Variants in ZNF180 observed in about 807,000 individuals in gnomAD.
ZNF180 encodes zinc finger protein 180.
A neutral mutation model predicts 11.8 loss-of-function variants in ZNF180; 11 were observed. The observed-to-expected ratio is 0.93, with a 90% CI of 0.59 to 1.55. The LOEUF (loss-of-function observed/expected upper bound fraction) is 1.55. Among genes scored for constraint, ZNF180 ranks in the 40% most tolerant of loss-of-function variants. The probability of loss-of-function intolerance (pLI) is 0.00; values close to 1 mark genes in which losing one functional copy is unlikely to be tolerated. For synonymous variants in ZNF180, 287 were observed against 257.7 expected, an observed-to-expected ratio of 1.11 and a Z score of -1.09; for missense variants, 773 against 781.7, an observed-to-expected ratio of 0.99 and a Z score of 0.13.
chr19:44,477,326 T>C lies in ZNF180; in HGVS notation c.1074A>G (p.Glu358=), dbSNP rs1451146321. 1 of 1,611,944 alleles carries C rather than the reference T, an allele frequency of 6.2e-7. No homozygotes were observed. Among genetic ancestry groups the C allele is most frequent in the African/African-American group, 1.3e-5 (1 of 74,772 alleles). Residue 358 remains glutamate (E), a synonymous_variant, in exon 5 of 5, where the codon GAA becomes GAG. Coordinates refer to ENST00000592529, the MANE Select transcript of ZNF180 (RefSeq NM_001278509.3). ...HTGEKPYECS[E]CGKSFSRSSH... is the part of the protein sequence containing the mutation. ...AGCTCCGGCTGAAGGATTTTCCACA[T>C]TCACTACATTCATAAGGTTTCTCCC...
chr19:44,500,108 T>C (rs899188814), intron 1 of ZNF180, 167 bp downstream of exon 1: 10 of 1,583,112 alleles, frequency 6.3e-6, no homozygotes, highest in Non-Finnish European at 8.7e-6. Flanking sequence ...AGTCGCGGAA[T>C]ATACAGCTGT....
intron 2 of ZNF180, among the ~76,000 whole-genome samples, chr19:44,486,838 C>T (rs1314092202): frequency 2.0e-5 from 3 of 151,998 alleles, no homozygotes; most frequent in Admixed American, 6.6e-5. Flanking sequence ...CTCAGGAGTT[C>T]GAGACCAGCC....
intron 3 of ZNF180, among the ~76,000 whole-genome samples, chr19:44,479,635 G>A (rs1365550495): frequency 1.3e-5 from 2 of 152,198 alleles, no homozygotes; most frequent in Non-Finnish European, 2.9e-5. Flanking sequence ...AGGAATACCA[G>A]ATAAGAACTG....
chr19:44,497,234 G>A, intron 2 of ZNF180, 50 bp downstream of exon 2: 3 of 1,486,620 alleles, frequency 2.0e-6, no homozygotes, highest in Non-Finnish European at 1.8e-6. Context: ...AGCCTCCCAA[G>A]CTGAGAGGGT....
intron 2 of ZNF180, among the ~76,000 whole-genome samples, chr19:44,490,827 A>T (rs1482704017): frequency 1.3e-5 from 2 of 152,244 alleles, no homozygotes; most frequent in African/African-American, 4.8e-5. Flanking sequence ...AACTGTTTTT[A>T]GCACCTTTTT....
In ZNF180 at chr19:44,477,800, C is replaced by T; in HGVS notation, c.600G>A (p.Trp200Ter). The T allele has an allele frequency of 1.2e-6, 2 of 1,613,828 alleles. No homozygotes were observed. Among genetic ancestry groups the T allele is most frequent in the Non-Finnish European group, 1.7e-6 (2 of 1,179,954 alleles). The change falls in exon 5 of 5, where the codon TGG (tryptophan) becomes TGA (stop). Residue 200 changes from tryptophan to a stop codon, truncating the protein, a stop_gained. Coordinates refer to ENST00000592529, the MANE Select transcript of ZNF180 (RefSeq NM_001278509.3). LOFTEE classifies it low-confidence loss of function (END_TRUNC). ...GACTGTTTACAGCAGCATTAAGATGCCATTTTTTAGCATGTGATACATGTT... is the reference window on the plus strand; with the variant it reads ...GACTGTTTACAGCAGCATTAAGATGTCATTTTTTAGCATGTGATACATGTT... The part of the protein sequence containing the change: ...FHKHVSHAKK[W>*]HLNAAVNSHQ...
intron 2 of ZNF180, among the ~76,000 whole-genome samples, chr19:44,485,990 T>A (rs1970218799): frequency 6.6e-6 from 1 of 152,188 alleles, no homozygotes; most frequent in African/African-American, 2.4e-5. Context: ...AGGATGCATA[T>A]ACAAGAAACC....
In ZNF180 at chr19:44,475,136, A is replaced by T. The variant is rs1235653382; in HGVS notation, c.*1266T>A. ...GTCATCCACAGGATTCAAATTCATG[A>T]TTCAAGGGAAAGGTCAGAAAGACAT... On this transcript the variant is annotated 3_prime_UTR_variant, in exon 5 of 5. Transcript: ENST00000592529. 1 of 152,230 alleles carries T rather than the reference A, an allele frequency of 6.6e-6. No individual in the cohort carries two copies. Among genetic ancestry groups the T allele is most frequent in the Non-Finnish European group, 1.5e-5 (1 of 68,048 alleles). The allele number at this position is 152,230 out of a possible 1,614,324, so 9.4% of individuals were successfully genotyped here.
chr19:44,491,407 G>C (rs966227373), intron 2 of ZNF180, among the ~76,000 whole-genome samples: 1 of 152,176 alleles, frequency 6.6e-6, no homozygotes, highest in Admixed American at 6.5e-5. Flanking sequence ...TTTTCCCCAG[G>C]TTCTACTCAC....
At chr19:44,495,000 C>A (rs1970542264) in intron 2 of ZNF180, among the ~76,000 whole-genome samples, 1 of 152,168 alleles carries the variant, frequency 6.6e-6, no homozygotes, top group Non-Finnish European at 1.5e-5. Flanking sequence ...CACACCGATA[C>A]AAGCACACAT....
rs183095623 is a variant in ZNF180 at position 44,486,769 on chromosome 19, G to A, written c.52-2334C>T. Among the ~76,000 whole-genome samples, 11 of 152,134 alleles carry A rather than the reference G, an allele frequency of 7.2e-5. No homozygotes were observed. The East Asian group carries it at 1.5e-3, about 21-fold the overall frequency. On this transcript the variant is annotated intron_variant, in intron 2 of 4. Coordinates refer to ENST00000592529, the MANE Select transcript of ZNF180 (RefSeq NM_001278509.3). The stretch of plus-strand genomic sequence containing the variant: ...AAAATATATAAAATAGGCCGGGCAT[G>A]GTGGCTCACACCTGTAATTCTAGCA...
At chr19:44,493,625 A>G (rs543349185) in intron 2 of ZNF180, among the ~76,000 whole-genome samples, 4 of 152,280 alleles carry the variant, frequency 2.6e-5, no homozygotes, top group Admixed American at 6.5e-5. Flanking sequence ...TCCTTGACCA[A>G]TGGTACCAAG....
intron 3 of ZNF180, among the ~76,000 whole-genome samples, chr19:44,482,608 C>T (rs1204532659): frequency 6.6e-6 from 1 of 152,150 alleles, no homozygotes; most frequent in Non-Finnish European, 1.5e-5. Flanking sequence ...GGGATTTATC[C>T]TCTAATATAA....
rs1969950239 is a variant in ZNF180 at position 44,477,560 on chromosome 19, C to A, written c.840G>T (p.Gly280=). 1 of 1,614,052 alleles carries A rather than the reference C, an allele frequency of 6.2e-7. No individual in the cohort carries two copies. The highest frequency in any genetic ancestry group is 8.5e-7 in the Non-Finnish European group (1 of 1,180,024). Residue 280 remains glycine, a synonymous_variant, in exon 5 of 5, where the codon GGG becomes GGT. Coordinates refer to ENST00000592529, the MANE Select transcript of ZNF180 (RefSeq NM_001278509.3). The part of the protein sequence containing the change: ...GGKTFDFKEC[G]QVLNPKISHN... ...GGGATATTTTGGGGTTCAAAACCTGCCCACATTCTTTAAAATCAAAGGTTT... is the reference window on the plus strand; with the variant it reads ...GGGATATTTTGGGGTTCAAAACCTGACCACATTCTTTAAAATCAAAGGTTT...
intron 2 of ZNF180, among the ~76,000 whole-genome samples, chr19:44,488,957 G>A (rs200095472): frequency 0.041 from 5,876 of 144,642 alleles, 363 homozygotes; most frequent in East Asian, 0.27. Context: ...CCCGGCAGCC[G>A]CCCCGTCTGA....
chr19:44,476,239 CTT>C lies in ZNF180; in HGVS notation c.*161_*162del, dbSNP rs1463141300. 1.5e-6 allele frequency: 1 copy of C among 664,444 alleles called. No individual in the cohort carries two copies. Among genetic ancestry groups the C allele is most frequent in the Non-Finnish European group, 2.3e-6 (1 of 428,840 alleles). 41.2% of individuals were successfully genotyped at this position (664,444 alleles called of 1,614,324 possible). A position where few individuals can be genotyped will look rare whatever the true frequency, so the allele number is the denominator to read the frequency against. ...GAAAAGTCGTTCATAGACTTTCCCCCTTTCTTTTCCAGAACAAATTTGAGACA... is the reference window on the plus strand; with the variant it reads ...GAAAAGTCGTTCATAGACTTTCCCCCTCTTTTCCAGAACAAATTTGAGACA... On this transcript the variant is annotated 3_prime_UTR_variant, in exon 5 of 5. Coordinates refer to ENST00000592529, the MANE Select transcript of ZNF180 (RefSeq NM_001278509.3).
chr19:44,484,644 A>G (rs1048391032), intron 2 of ZNF180: 2 of 581,108 alleles, frequency 3.4e-6, no homozygotes, highest in African/African-American at 1.9e-5. Context: ...CAAGGCCCAC[A>G]GATACCTGGA....
chr19:44,479,227 A>G (rs1970012959), intron 4 of ZNF180, 56 bp downstream of exon 4: 1 of 1,585,410 alleles, frequency 6.3e-7, no homozygotes, highest in Non-Finnish European at 8.6e-7. Flanking sequence ...TTAATCGATC[A>G]GAATGTGAAA....
At position 44,474,484 on chromosome 19, in the gene ZNF180, A is replaced by G. The variant is rs1480138951; in HGVS notation, c.*1918T>C. ...TATTTTCTAGGTCTCATCATAGCTC[A>G]TATATAACACTCAAAACATCATTAA... On this transcript the variant is annotated 3_prime_UTR_variant, in exon 5 of 5. Coordinates refer to ENST00000592529, the MANE Select transcript of ZNF180 (RefSeq NM_001278509.3). 1 of 152,160 alleles carries G rather than the reference A, an allele frequency of 6.6e-6. No individual in the cohort carries two copies. Among genetic ancestry groups the G allele is most frequent in the African/African-American group, 2.4e-5 (1 of 41,420 alleles). 9.4% of individuals were successfully genotyped at this position (152,160 alleles called of 1,614,324 possible).
Sources: allele counts gnomAD v4.1 joint callset (sites outside exome capture counted in the v4.1 genomes callset), GRCh38; gene constraint gnomAD v4.1.1; transcripts MANE v1.5; gene names NCBI Gene and HGNC (gene_info 2026-07-23, HGNC 2026-07-21).